The following SHANK2 variants were observed in gnomAD, a reference collection of about 807,000 sequenced individuals.
SHANK2 encodes SH3 and multiple ankyrin repeat domains protein 2.
SHANK2 carries 43 observed loss-of-function variants against 133.7 expected under a neutral mutation model. That is an observed-to-expected ratio of 0.32 (90% confidence interval 0.25 to 0.41). The LOEUF (loss-of-function observed/expected upper bound fraction) is 0.41. SHANK2 is among the 10% of genes least tolerant of loss of function. The pLI, the probability that SHANK2 is intolerant of heterozygous loss-of-function variation, is 1.00. For missense variants in SHANK2, 1,994 were observed against 2,235.8 expected, an observed-to-expected ratio of 0.89 and a Z score of 2.18; for synonymous variants, 1,017 against 952.8, an observed-to-expected ratio of 1.07 and a Z score of -1.24.
intron 1 of SHANK2, among the ~76,000 whole-genome samples, chr11:71,236,931 G>T (rs1263262060): frequency 2.0e-5 from 3 of 152,246 alleles, no homozygotes; most frequent in African/African-American, 7.2e-5. Flanking sequence ...GGGCAACACT[G>T]CAGGCAGCGG....
rs1949679602 is a variant in SHANK2 at position 70,882,919 on chromosome 11, G to C, written c.1174+13582C>G. The stretch of plus-strand genomic sequence containing the variant: ...ACAGCAAACTGCAGGGCAGGCAGGA[G>C]GCAGGTGGAGGTGAGGGCGGGCTTG... On this transcript the variant is annotated intron_variant, in intron 11 of 25. Transcript: ENST00000601538. This position sits in a 1 kb window ranked among gnomAD's most constrained non-coding sequence, Gnocchi z 4.2. Among the ~76,000 whole-genome samples, 1 of 152,198 alleles carries C rather than the reference G, an allele frequency of 6.6e-6. No individual in the cohort carries two copies. The highest frequency in any genetic ancestry group is 1.5e-5 in the Non-Finnish European group (1 of 68,034).
Position 70,472,460 on chromosome 11 carries a change from A to G in SHANK2, c.*409T>C. The G allele has an allele frequency of 3.7e-6, 1 of 267,954 alleles. No homozygotes were observed. Among genetic ancestry groups the G allele is most frequent in the South Asian group, 4.5e-5 (1 of 22,424 alleles). The allele number at this position is 267,954 out of a possible 1,614,324, so 16.6% of individuals were successfully genotyped here. On this transcript the variant is annotated 3_prime_UTR_variant, in exon 26 of 26. Transcript: ENST00000601538. The surrounding 1 kb of genome is among the most constrained non-coding windows in gnomAD (Gnocchi z 4.4). ...TCATGCCGGGGCCTGGGGTGGTGAG[A>G]GCTGCCCGGAAAGCAGAGGACGGAG...
At chr11:71,106,539 C>T (rs1555097942) in intron 6 of SHANK2, among the ~76,000 whole-genome samples, 1 of 152,258 alleles carries the variant, frequency 6.6e-6, no homozygotes. Context: ...ATCAGGCTCC[C>T]AAGCCATTTC....
intron 15 of SHANK2, among the ~76,000 whole-genome samples, chr11:70,663,393 C>T (rs1291627438): frequency 3.3e-5 from 5 of 152,018 alleles, no homozygotes; most frequent in Admixed American, 6.5e-5. Flanking sequence ...GGACAAGGGA[C>T]GAGCAGCGGC....
chr11:71,170,754 G>A (rs1275130046), intron 2 of SHANK2, among the ~76,000 whole-genome samples: 2 of 152,222 alleles, frequency 1.3e-5, no homozygotes, highest in African/African-American at 4.8e-5. Flanking sequence ...AAAGAGGCAA[G>A]GAGCTGGGAC....
chr11:71,218,474 G>T (rs140457538), intron 2 of SHANK2, among the ~76,000 whole-genome samples: 2 of 151,948 alleles, frequency 1.3e-5, no homozygotes, highest in Non-Finnish European at 2.9e-5. Context: ...TGTTGGTCAG[G>T]CTGGTCTCAA....
chr11:70,734,399 C>T (rs563787882), intron 14 of SHANK2, among the ~76,000 whole-genome samples: 1 of 152,156 alleles, frequency 6.6e-6, no homozygotes, highest in Non-Finnish European at 1.5e-5. Context: ...AGCGTGAGGG[C>T]GCCAGTGGGC....
chr11:70,842,888 A>G (rs1401593333), intron 11 of SHANK2, among the ~76,000 whole-genome samples: 1 of 152,132 alleles, frequency 6.6e-6, no homozygotes. Flanking sequence ...AATAACACGG[A>G]CGGTGGAACC....
At chr11:70,923,983 G>A (rs1435416001) in intron 10 of SHANK2, among the ~76,000 whole-genome samples, 23 of 152,196 alleles carry the variant, frequency 1.5e-4, no homozygotes, top group African/African-American at 5.5e-4. Flanking sequence ...GTGCCCTTGT[G>A]AGACACTGCA....
At chr11:71,209,328 G>A (rs782465117) in intron 2 of SHANK2, among the ~76,000 whole-genome samples, 12 of 152,130 alleles carry the variant, frequency 7.9e-5, no homozygotes, top group Non-Finnish European at 1.3e-4. Context: ...GGCCACTCCC[G>A]ACACAGGCCA....
chr11:70,665,365 T>C (rs1944659777), intron 15 of SHANK2, among the ~76,000 whole-genome samples: 1 of 146,362 alleles, frequency 6.8e-6, no homozygotes, highest in African/African-American at 2.6e-5. Context: ...GGTCTTAAAC[T>C]CCTGGCCTCA....
At position 70,472,815 on chromosome 11, in the gene SHANK2, G is replaced by A. The variant is rs1228312594; in HGVS notation, c.*54C>T. ...GCTTGGCATTCAGATGTTTCAGCAC[G>A]AGCCCATCTCTACTTATAACAAGAG... On this transcript the variant is annotated 3_prime_UTR_variant, in exon 26 of 26. Coordinates refer to ENST00000601538, the MANE Select transcript of SHANK2 (RefSeq NM_012309.5). The surrounding 1 kb of genome is among the most constrained non-coding windows in gnomAD (Gnocchi z 4.4). 50 of 1,539,024 alleles carry A rather than the reference G, an allele frequency of 3.2e-5. No homozygotes were observed. The highest frequency in any genetic ancestry group is 3.4e-4 in the Middle Eastern group (2 of 5,952).
At chr11:71,139,433 C>T in intron 3 of SHANK2, among the ~76,000 whole-genome samples, 1 of 152,004 alleles carries the variant, frequency 6.6e-6, no homozygotes, top group East Asian at 1.9e-4. Flanking sequence ...AGCACAGCAA[C>T]ATGGCACATG....
At chr11:71,064,351 G>A (rs1433769124) in intron 9 of SHANK2, among the ~76,000 whole-genome samples, 6 of 152,200 alleles carry the variant, frequency 3.9e-5, no homozygotes, top group African/African-American at 1.4e-4. Context: ...GGGACAGCTG[G>A]GCGGAGGCAG....
At chr11:70,587,657 C>T (rs1246335524) in intron 17 of SHANK2, among the ~76,000 whole-genome samples, 1 of 149,142 alleles carries the variant, frequency 6.7e-6, no homozygotes, top group Non-Finnish European at 1.5e-5. Context: ...GCATTTGTTA[C>T]AAACTGAAGG....
chr11:70,481,814 C>G (rs2058736935), intron 25 of SHANK2, among the ~76,000 whole-genome samples: 1 of 152,268 alleles, frequency 6.6e-6, no homozygotes, highest in African/African-American at 2.4e-5. Context: ...TTAAGGCTCC[C>G]TCTGATCCTC....
At chr11:70,644,854 G>A (rs2061238933) in intron 17 of SHANK2, among the ~76,000 whole-genome samples, 1 of 152,182 alleles carries the variant, frequency 6.6e-6, no homozygotes, top group African/African-American at 2.4e-5. Flanking sequence ...ACAAACACGT[G>A]GAGAAGAAGG....
At chr11:70,880,333 C>T (rs1020196937) in intron 11 of SHANK2, among the ~76,000 whole-genome samples, 4 of 152,150 alleles carry the variant, frequency 2.6e-5, no homozygotes, top group South Asian at 2.1e-4. Flanking sequence ...GGGAGGAGAC[C>T]GGGCTTCGGG....
At chr11:70,948,235 A>G in intron 10 of SHANK2, 1 of 456,030 alleles carries the variant, frequency 2.2e-6, no homozygotes, top group Non-Finnish European at 4.4e-6. Flanking sequence ...ACCCTGCTGT[A>G]TTTTTCTTCC....
Sources: gnomAD v4.1 joint callset for allele counts (sites outside exome capture counted in the v4.1 genomes callset) on GRCh38, gnomAD v4.1.1 for gene constraint, Gnocchi (gnomAD v3.1) non-coding constraint, MANE v1.5 for transcripts, NCBI Gene and HGNC (gene_info 2026-07-23, HGNC 2026-07-21) for gene names.